Variants in MTOR observed in about 807,000 individuals in gnomAD.
MTOR encodes the protein mechanistic target of rapamycin kinase.
MTOR carries 70 observed loss-of-function variants against 319.8 expected under a neutral mutation model. That is an observed-to-expected ratio of 0.22 (90% CI 0.18 to 0.27). MTOR has a LOEUF of 0.27. MTOR is among the 10% of genes least tolerant of loss of function. The pLI is 1.00. For synonymous variants in MTOR, 1,183 were observed against 1,211.4 expected (o/e 0.98, Z 0.49); for missense variants, 1,890 against 3,274.4 (o/e 0.58, Z 10.32).
chr1:11,214,922 G>A (rs4845983), intron 20 of MTOR, among the ~76,000 whole-genome samples: 2,113 of 152,252 alleles, frequency 0.014, 64 homozygotes, highest in Admixed American at 0.07. Context: ...CCTCAAAGAT[G>A]TCAGGCAGCC....
At chr1:11,136,888 A>C in intron 36 of MTOR, among the ~76,000 whole-genome samples, 1 of 147,682 alleles carries the variant, frequency 6.8e-6, no homozygotes. Flanking sequence ...GTCACCCAGG[A>C]TGGAGTGCAG....
chr1:11,233,642 C>G (rs1647097558), intron 14 of MTOR, among the ~76,000 whole-genome samples, 155 bp from the exon 15 acceptor site: 1 of 152,198 alleles, frequency 6.6e-6, no homozygotes, highest in South Asian at 2.1e-4. Flanking sequence ...TGTAAATTCT[C>G]AAACTTTTCT....
At chr1:11,191,504 C>T (rs1327597582) in intron 28 of MTOR, among the ~76,000 whole-genome samples, 1 of 152,144 alleles carries the variant, frequency 6.6e-6, no homozygotes, top group African/African-American at 2.4e-5. Flanking sequence ...AGGCAGGAAG[C>T]TTCTCTTGGA....
At position 11,114,322 on chromosome 1, in the gene MTOR, C is replaced by T. The variant is rs1200645333; in HGVS notation, c.7296G>A (p.Met2432Ile). Residue 2432 changes from methionine to isoleucine, a missense_variant, in exon 53 of 58, where the codon ATG becomes ATA. Met to Ile is a conservative substitution (Grantham distance 10, BLOSUM62 1). Coordinates refer to ENST00000361445, the MANE Select transcript of MTOR (RefSeq NM_004958.4). The part of the protein sequence containing the change: ...VYDPLLNWRL[M>I]DTNTKGNKRS... ...CAGGCACTTGATGATACTCACTGTCCATCAGCCTCCAGTTCAGCAAGGGGT... is the reference window on the plus strand; with the variant it reads ...CAGGCACTTGATGATACTCACTGTCTATCAGCCTCCAGTTCAGCAAGGGGT... 7 of 1,613,988 alleles carry T rather than the reference C, an allele frequency of 4.3e-6. No homozygotes were observed. The highest frequency in any genetic ancestry group is 5.9e-6 in the Non-Finnish European group (7 of 1,180,026).
chr1:11,107,289 T>C lies in MTOR; in HGVS notation c.*196A>G, dbSNP rs1246167705. The C allele has an allele frequency of 6.9e-7, 1 of 1,459,064 alleles. No individual in the cohort carries two copies. Among genetic ancestry groups the C allele is most frequent in the African/African-American group, 1.4e-5 (1 of 69,998 alleles). The allele number at this position is 1,459,064 out of a possible 1,614,324, so 90.4% of individuals were successfully genotyped here. ...CCTGGGAACCAAATCAAGCCTTGTGTTTCTGACAATATATTCTTCAACAGC... is the reference window on the plus strand; with the variant it reads ...CCTGGGAACCAAATCAAGCCTTGTGCTTCTGACAATATATTCTTCAACAGC... On this transcript the variant is annotated 3_prime_UTR_variant, in exon 58 of 58. Coordinates refer to ENST00000361445, the MANE Select transcript of MTOR (RefSeq NM_004958.4).
intron 28 of MTOR, among the ~76,000 whole-genome samples, chr1:11,179,627 G>C (rs1429980134): frequency 2.0e-5 from 3 of 152,192 alleles, no homozygotes; most frequent in African/African-American, 4.8e-5. Context: ...GGGTTCATAA[G>C]ACGCTCTGCA....
intron 28 of MTOR, among the ~76,000 whole-genome samples, chr1:11,196,268 T>C (rs919433361): frequency 4.6e-5 from 7 of 152,224 alleles, no homozygotes; most frequent in Non-Finnish European, 8.8e-5. Flanking sequence ...CAGCAGACCT[T>C]ACCCTAATGC....
rs2100410253 is a variant in MTOR, at chr1:11,127,856, G to A, written c.6034-50C>T. ...AAGCATCAAGAATCAGCTAACCTCAGAAAGGTCTGTTTTGGAGACACAGGA... is the reference window on the plus strand; with the variant it reads ...AAGCATCAAGAATCAGCTAACCTCAAAAAGGTCTGTTTTGGAGACACAGGA... On this transcript the variant is annotated intron_variant, in intron 43 of 57. Transcript: ENST00000361445. This position sits in a 1 kb window ranked among gnomAD's most constrained non-coding sequence, Gnocchi z 5.5. The A allele has an allele frequency of 6.3e-7, 1 of 1,594,376 alleles. No homozygotes were observed. Among genetic ancestry groups the A allele is most frequent in the Non-Finnish European group, 8.5e-7 (1 of 1,170,002 alleles).
At chr1:11,181,269 T>TAA (rs138706925) in intron 28 of MTOR, among the ~76,000 whole-genome samples, 2 of 147,576 alleles carry the variant, frequency 1.4e-5, no homozygotes, top group African/African-American at 2.5e-5. Context: ...TCTTCCTAAG[T>TAA]AAAAAAAAAA....
chr1:11,233,217 A>T, intron 15 of MTOR, 181 bp downstream of exon 15: 1 of 818,584 alleles, frequency 1.2e-6, no homozygotes, highest in Non-Finnish European at 2.0e-6. Context: ...GGAGAGTTGG[A>T]CATGTTTTAT....
chr1:11,167,073 C>T (rs1300580000), intron 29 of MTOR, among the ~76,000 whole-genome samples: 3 of 152,044 alleles, frequency 2.0e-5, no homozygotes, highest in Non-Finnish European at 2.9e-5. Context: ...GGATGGGGAA[C>T]ATGACACACC....
Position 11,129,766 on chromosome 1 carries a change from G to A in MTOR, c.5686C>T (p.Arg1896Ter), listed in dbSNP as rs2100423610. Residue 1896 changes from arginine to a stop codon, truncating the protein, a stop_gained, in exon 40 of 58, where the codon CGA becomes TGA. Transcript: ENST00000361445. LOFTEE classifies it high-confidence loss of function. The surrounding 1 kb of genome is among the most constrained non-coding windows in gnomAD (Gnocchi z 4.7). ...AGTGTATCCTGGAGGTTGTTGCCTC[G>A]TGACAAGGAGATGGAACGGAAGAAG... ...QGFFRSISLS[R>*]GNNLQDTLRV... is the part of the protein sequence containing the mutation. The A allele has an allele frequency of 6.2e-7, 1 of 1,614,152 alleles. No homozygotes were observed. The highest frequency in any genetic ancestry group is 8.5e-7 in the Non-Finnish European group (1 of 1,179,998).
At chr1:11,240,671 T>C in intron 10 of MTOR, 124 bp from the exon 11 acceptor site, 1 of 1,236,650 alleles carries the variant, frequency 8.1e-7, no homozygotes, top group African/African-American at 1.5e-5. Flanking sequence ...AGAAAGGATA[T>C]TATAAAATAA....
At chr1:11,158,779 G>C (rs953326680) in intron 29 of MTOR, among the ~76,000 whole-genome samples, 1 of 152,034 alleles carries the variant, frequency 6.6e-6, no homozygotes, top group Non-Finnish European at 1.5e-5. Context: ...TGAACAAGCA[G>C]AGGGGAGAGG....
At position 11,193,771 on chromosome 1, in the gene MTOR, G is replaced by A. The variant is rs770229792; in HGVS notation, c.4253+5487C>T. The A allele has an allele frequency of 7.4e-6, 12 of 1,613,914 alleles. No homozygotes were observed. In the South Asian group the frequency reaches 1.3e-4, roughly 18 times the overall value. On this transcript the variant is annotated intron_variant, in intron 28 of 57. Coordinates refer to ENST00000361445, the MANE Select transcript of MTOR (RefSeq NM_004958.4). The stretch of plus-strand genomic sequence containing the variant: ...AGCCAACCCGGCTGCGTGTAGAGAT[G>A]GAGGTAAGCACAAGGCCAGGGGCCC...
chr1:11,196,617 G>A (rs938403098), intron 28 of MTOR, among the ~76,000 whole-genome samples: 5 of 152,164 alleles, frequency 3.3e-5, no homozygotes, highest in East Asian at 3.9e-4. Flanking sequence ...CACTTTAGGA[G>A]GCCGAGGCGG....
In MTOR at chr1:11,194,287, T is replaced by A. The variant is rs574255726; in HGVS notation, c.4253+4971A>T. 4.6e-5 allele frequency among the ~76,000 whole-genome samples: 7 copies of A among 152,354 alleles called. No homozygotes were observed. The South Asian group carries it at 1.4e-3, about 32-fold the overall frequency. On this transcript the variant is annotated intron_variant, in intron 28 of 57. Coordinates refer to ENST00000361445, the MANE Select transcript of MTOR (RefSeq NM_004958.4). ...ATCAGGAAAGAAGTTCGAGCCTTGT[T>A]TTCTGATTCCCAGGTTAACACAGTA...
chr1:11,212,037 T>C lies in MTOR; in HGVS notation c.3561+275A>G, dbSNP rs1484514590. Among the ~76,000 whole-genome samples the C allele has an allele frequency of 6.6e-6, 1 of 152,146 alleles. No individual in the cohort carries two copies. Among genetic ancestry groups the C allele is most frequent in the East Asian group, 1.9e-4 (1 of 5,192 alleles). ...TTCTCCCCACTTCAACCCATCACTC[T>C]TAAGAAACAAACTGTTTATTTGCTT... On this transcript the variant is annotated intron_variant, in intron 23 of 57. Coordinates refer to ENST00000361445, the MANE Select transcript of MTOR (RefSeq NM_004958.4). This position sits in a 1 kb window ranked among gnomAD's most constrained non-coding sequence, Gnocchi z 4.1.
In MTOR at chr1:11,127,492, C is replaced by T; in HGVS notation, c.6216+132G>A. The T allele has an allele frequency of 2.7e-6, 3 of 1,101,208 alleles. No individual in the cohort carries two copies. The highest frequency in any genetic ancestry group is 3.8e-6 in the Non-Finnish European group (3 of 785,850). The allele number at this position is 1,101,208 out of a possible 1,614,324, so 68.2% of individuals were successfully genotyped here. On this transcript the variant is annotated intron_variant, in intron 44 of 57. Transcript: ENST00000361445. The surrounding 1 kb of genome is among the most constrained non-coding windows in gnomAD (Gnocchi z 5.5). Reference sequence around the variant, plus strand: ...GTTTTATTAAAGTCAGTGGAAAGGCCAGAGGAAAAGAAATCTGACAAAGGC... The same window carrying T: ...GTTTTATTAAAGTCAGTGGAAAGGCTAGAGGAAAAGAAATCTGACAAAGGC...
Sources: allele counts gnomAD v4.1 joint callset (sites outside exome capture counted in the v4.1 genomes callset), GRCh38; gene constraint gnomAD v4.1.1; non-coding constraint Gnocchi (gnomAD v3.1); transcripts MANE v1.5; gene names NCBI Gene and HGNC (gene_info 2026-07-23, HGNC 2026-07-21).